The following COBLL1 variants were observed in gnomAD, a reference collection of about 807,000 sequenced individuals.
The protein encoded by COBLL1 is cordon-bleu protein-like 1.
In COBLL1, 50 loss-of-function variants were observed where a neutral mutation model predicts 94.8. The ratio of observed to expected loss-of-function variants is 0.53; its 90% confidence interval spans 0.42 to 0.67. COBLL1 has a LOEUF of 0.67. Among genes scored for constraint, COBLL1 ranks in the 30% least tolerant of loss-of-function variants. The pLI is 0.00. For synonymous variants in COBLL1, 448 were observed against 473.8 expected (o/e 0.95, Z 0.71); for missense variants, 1,362 against 1,348.7 (o/e 1.01, Z -0.15).
intron 2 of COBLL1, among the ~76,000 whole-genome samples, chr2:164,817,402 AAC>A (rs1471514200): frequency 2.6e-5 from 4 of 151,534 alleles, no homozygotes; most frequent in African/African-American, 9.7e-5. Context: ...GACTTAGAAC[AAC>A]AGAGATAAAA....
At chr2:164,661,284 A>G (rs1574382690) in intron 2 of COBLL1, among the ~76,000 whole-genome samples, 1 of 152,250 alleles carries the variant, frequency 6.6e-6, no homozygotes, top group East Asian at 1.9e-4. Flanking sequence ...TATGGGATGG[A>G]AATAAGCATT....
chr2:164,795,758 C>CATA (rs1683417279), intron 2 of COBLL1, among the ~76,000 whole-genome samples: 1 of 152,154 alleles, frequency 6.6e-6, no homozygotes, highest in Non-Finnish European at 1.5e-5. Flanking sequence ...GATCAACAAT[C>CATA]TTAAAATATA....
At chr2:164,837,487 C>T in intron 2 of COBLL1, 1 of 460,564 alleles carries the variant, frequency 2.2e-6, no homozygotes. Flanking sequence ...GTGTCTCCAA[C>T]ATTTTTGCTC....
chr2:164,725,101 G>GAGATATATATATATATATATATAT (rs1685647318), intron 5 of COBLL1: 1 of 76,298 alleles, frequency 1.3e-5, no homozygotes, highest in African/African-American at 5.6e-5. Context: ...TACCCTGCAG[G>GAGATATATATATATATATATATAT]ATATATATAT....
intron 2 of COBLL1, among the ~76,000 whole-genome samples, chr2:164,760,976 T>C (rs1294609130): frequency 6.6e-6 from 1 of 152,190 alleles, no homozygotes; most frequent in African/African-American, 2.4e-5. Context: ...TCCCCATCAA[T>C]AACTGTTGTT....
At chr2:164,825,329 A>G (rs1685370385) in intron 2 of COBLL1, among the ~76,000 whole-genome samples, 1 of 152,218 alleles carries the variant, frequency 6.6e-6, no homozygotes, top group African/African-American at 2.4e-5. Context: ...CATATTTATT[A>G]TAAGGTAAAT....
In COBLL1 at chr2:164,783,126, G is replaced by A. The variant is rs78529168; in HGVS notation, c.42-39251C>T. On this transcript the variant is annotated intron_variant, in intron 2 of 13. Coordinates refer to ENST00000652658, the MANE Select transcript of COBLL1 (RefSeq NM_001365672.2). ...TTCAGAAAGGCAAGATGAAGGACAGGCATGGTGGCTCACACCTATAATTCC... is the reference window on the plus strand; with the variant it reads ...TTCAGAAAGGCAAGATGAAGGACAGACATGGTGGCTCACACCTATAATTCC... Among the ~76,000 whole-genome samples, 558 of 152,280 alleles carry A rather than the reference G, an allele frequency of 3.7e-3. 7 individuals are homozygous for A. Among genetic ancestry groups the A allele is most frequent in the African/African-American group, 0.012 (511 of 41,554 alleles).
intron 3 of COBLL1, among the ~76,000 whole-genome samples, chr2:164,731,811 T>G (rs868530164): frequency 1.3e-5 from 2 of 152,150 alleles, no homozygotes; most frequent in Non-Finnish European, 2.9e-5. Context: ...ATCCCACCAT[T>G]CAGTATGCTA....
rs1683576843 is a variant in COBLL1 at position 164,841,073 on chromosome 2, A to G, written c.41+83T>C. 1 of 1,204,420 alleles carries G rather than the reference A, an allele frequency of 8.3e-7. No individual in the cohort carries two copies. Among genetic ancestry groups the G allele is most frequent in the Non-Finnish European group, 1.0e-6 (1 of 964,168 alleles). 74.6% of individuals were successfully genotyped at this position (1,204,420 alleles called of 1,614,324 possible). A position where few individuals can be genotyped will look rare whatever the true frequency, so the allele number is the denominator to read the frequency against. ...GCCGCCGGCAGGGCAGCGAGTTGCCAGCCAGGTGAAACGGCCGAGGCCTCG... is the reference window on the plus strand; with the variant it reads ...GCCGCCGGCAGGGCAGCGAGTTGCCGGCCAGGTGAAACGGCCGAGGCCTCG... On this transcript the variant is annotated intron_variant, in intron 2 of 13. Transcript: ENST00000652658. The surrounding 1 kb of genome is among the most constrained non-coding windows in gnomAD (Gnocchi z 5.5).
intron 2 of COBLL1, among the ~76,000 whole-genome samples, chr2:164,751,210 GC>G (rs1237695642): frequency 6.6e-6 from 1 of 152,058 alleles, no homozygotes; most frequent in African/African-American, 2.4e-5. Context: ...ACATAGCCCT[GC>G]TTGGTCCCCA....
chr2:164,754,346 C>T (rs1687286491), intron 2 of COBLL1, among the ~76,000 whole-genome samples: 2 of 152,162 alleles, frequency 1.3e-5, no homozygotes, highest in Admixed American at 1.3e-4. Context: ...GACTCACTTC[C>T]AGTAAATAGA....
intron 3 of COBLL1, among the ~76,000 whole-genome samples, chr2:164,741,931 T>A (rs576104146): frequency 6.6e-6 from 1 of 152,268 alleles, no homozygotes; most frequent in South Asian, 2.1e-4. Flanking sequence ...AGAAAGTGGA[T>A]AAGCTAGATG....
chr2:164,679,939 A>AAATAATAATAAT (rs535463767), downstream of COBLL1, among the ~76,000 whole-genome samples: 3 of 150,292 alleles, frequency 2.0e-5, no homozygotes, highest in African/African-American at 7.3e-5. Context: ...ATATAAATAT[A>AAATAATAATAAT]AATAATAATA....
At chr2:164,658,120 T>C (rs1384697522) in intron 2 of COBLL1, among the ~76,000 whole-genome samples, 1 of 152,164 alleles carries the variant, frequency 6.6e-6, no homozygotes, top group African/African-American at 2.4e-5. Flanking sequence ...GAGCTCTCCT[T>C]ACTATCTGAT....
Position 164,685,960 on chromosome 2 carries a change from G to A in COBLL1, c.3373C>T (p.Gln1125Ter), listed in dbSNP as rs962050384. The A allele has an allele frequency of 1.2e-5, 20 of 1,605,034 alleles. No individual in the cohort carries two copies. The highest frequency in any genetic ancestry group is 1.4e-5 in the Non-Finnish European group (16 of 1,172,992). Reference protein sequence around the residue: ...RLSHSMSPDAQDGH With the variant: ...RLSHSMSPDA ...CAGGGTAACATTTAATGGCCGTCCT[G>A]GGCATCAGGGGACATGGAATGGCTG... The change falls in exon 14 of 14, where the codon CAG becomes TAG. Residue 1125 changes from glutamine (Q) to a stop codon, truncating the protein, a stop_gained. Transcript: ENST00000652658. LOFTEE classifies it high-confidence loss of function.
intron 2 of COBLL1, among the ~76,000 whole-genome samples, chr2:164,809,725 A>C (rs1298450126): frequency 1.3e-5 from 2 of 151,982 alleles, no homozygotes. Context: ...AAACACCTGG[A>C]GTCAGCATCT....
chr2:164,731,946 C>T (rs1371222430), intron 3 of COBLL1, among the ~76,000 whole-genome samples: 4 of 152,164 alleles, frequency 2.6e-5, no homozygotes, highest in East Asian at 3.9e-4. Context: ...GATTCACTGT[C>T]GGACACTGTG....
intron 13 of COBLL1, among the ~76,000 whole-genome samples, chr2:164,690,947 ATT>A (rs1374895242): frequency 6.6e-6 from 1 of 152,170 alleles, no homozygotes. Context: ...AAAAATATAA[ATT>A]TGTCATGACC....
chr2:164,671,750 G>A (rs141669486), intron 1 of COBLL1, among the ~76,000 whole-genome samples: 52 of 150,922 alleles, frequency 3.4e-4, no homozygotes, highest in Middle Eastern at 6.8e-3. Flanking sequence ...CCAAGAGGCT[G>A]AGCTGTCATT....
Sources: allele counts gnomAD v4.1 joint callset (sites outside exome capture counted in the v4.1 genomes callset), GRCh38; gene constraint gnomAD v4.1.1; non-coding constraint Gnocchi (gnomAD v3.1); transcripts MANE v1.5; gene names NCBI Gene and HGNC (gene_info 2026-07-23, HGNC 2026-07-21).